The following CPEB3 variants were observed in gnomAD, a reference collection of about 807,000 sequenced individuals.
The protein encoded by CPEB3 is cytoplasmic polyadenylation element binding protein 3.
A neutral mutation model predicts 67.2 loss-of-function variants in CPEB3; 20 were observed. That is an observed-to-expected ratio of 0.30 (90% confidence interval 0.21 to 0.43). The LOEUF is 0.43. Ranked by LOEUF, CPEB3 falls within the 20% of genes least tolerant of loss-of-function variation. CPEB3 has a pLI of 1.00. For missense variants in CPEB3, 746 were observed against 968.6 expected (o/e 0.77, Z 3.05); for synonymous variants, 376 against 393.1 (o/e 0.96, Z 0.51).
At chr10:92,264,894 T>C (rs374308234) in intron 1 of CPEB3, among the ~76,000 whole-genome samples, 1 of 151,904 alleles carries the variant, frequency 6.6e-6, no homozygotes, top group Non-Finnish European at 1.5e-5. Context: ...AGGTCGGGCA[T>C]GTGGCTCAAT....
At chr10:92,186,843 A>C (rs1053625000) in intron 3 of CPEB3, among the ~76,000 whole-genome samples, 2 of 152,236 alleles carry the variant, frequency 1.3e-5, no homozygotes, top group Admixed American at 6.5e-5. Flanking sequence ...TCTGCCCCCA[A>C]GAATGTACAA....
At chr10:92,114,265 G>C (rs1023243244) in intron 6 of CPEB3, among the ~76,000 whole-genome samples, 1 of 152,126 alleles carries the variant, frequency 6.6e-6, no homozygotes, top group Non-Finnish European at 1.5e-5. Flanking sequence ...ATACTTCAAG[G>C]TCAAGCAAAC....
At chr10:92,098,156 T>A (rs1366405889) in intron 7 of CPEB3, among the ~76,000 whole-genome samples, 1 of 68,144 alleles carries the variant, frequency 1.5e-5, no homozygotes, top group East Asian at 5.0e-4. Flanking sequence ...AGTGACACTC[T>A]GCCTAAAAAA....
chr10:92,202,654 G>T (rs1019097116), intron 2 of CPEB3, among the ~76,000 whole-genome samples: 2 of 151,404 alleles, frequency 1.3e-5, no homozygotes, highest in African/African-American at 4.9e-5. Context: ...TTATATGTAA[G>T]GTCCAGAACA....
chr10:92,221,152 G>A (rs12251521), intron 2 of CPEB3, among the ~76,000 whole-genome samples: 1,982 of 152,300 alleles, frequency 0.013, 47 homozygotes, highest in African/African-American at 0.046. Flanking sequence ...TAATATTTCT[G>A]AGTTATAACT....
At chr10:92,093,560 T>G (rs12357187) in intron 7 of CPEB3, among the ~76,000 whole-genome samples, 39,377 of 151,722 alleles carry the variant, frequency 0.26, 6,184 homozygotes, top group Admixed American at 0.36. Context: ...TGGAGTGAAG[T>G]GGCACAATCT....
rs752818301 is a variant in CPEB3 at position 92,239,427 on chromosome 10, G to C, written c.924C>G (p.Arg308=). The change falls in exon 2 of 10, where the codon CGC becomes CGG. Residue 308 remains arginine (R), a synonymous_variant. Transcript: ENST00000265997. The surrounding 1 kb of genome is among the most constrained non-coding windows in gnomAD (Gnocchi z 6.0). ...SNVIAPPKFP[R]AAPLTSKSWM... ...AGGACTTGGAAGTGAGAGGGGCCGC[G>C]CGAGGGAACTTGGGCGGCGCGATCA... The C allele has an allele frequency of 6.2e-7, 1 of 1,602,914 alleles. No individual in the cohort carries two copies.
At chr10:92,199,922 AG>A (rs1849437749) in intron 2 of CPEB3, among the ~76,000 whole-genome samples, 1 of 151,874 alleles carries the variant, frequency 6.6e-6, no homozygotes, top group Admixed American at 6.6e-5. Context: ...AGAGAGAGAG[AG>A]AATTATTTTA....
chr10:92,152,141 T>C (rs1846995396), intron 4 of CPEB3, among the ~76,000 whole-genome samples: 2 of 152,198 alleles, frequency 1.3e-5, no homozygotes. Context: ...GACATACTCC[T>C]CCATCACCTA....
At chr10:92,291,164 C>T (rs1184896827), upstream of CPEB3, 4 of 452,964 alleles carry the variant, frequency 8.8e-6, no homozygotes, top group East Asian at 4.6e-5. Flanking sequence ...GGCGGCGACT[C>T]TTACCTCACA....
chr10:92,085,640 G>A (rs536164332), intron 8 of CPEB3, among the ~76,000 whole-genome samples: 60 of 151,790 alleles, frequency 4.0e-4, no homozygotes, highest in South Asian at 8.3e-4. Flanking sequence ...ATGGAATCTC[G>A]CTCTATCGCT....
intron 8 of CPEB3, among the ~76,000 whole-genome samples, chr10:92,085,930 G>T (rs1843351834): frequency 6.6e-6 from 1 of 151,988 alleles, no homozygotes; most frequent in South Asian, 2.1e-4. Flanking sequence ...TCTTTACAAA[G>T]ATGTGAAAGG....
chr10:92,095,584 A>T (rs912265352), intron 7 of CPEB3, among the ~76,000 whole-genome samples: 5 of 84,936 alleles, frequency 5.9e-5, no homozygotes, highest in Admixed American at 1.3e-4. Flanking sequence ...GTCCTGATTT[A>T]TATATATATA....
intron 2 of CPEB3, among the ~76,000 whole-genome samples, chr10:92,230,236 C>G (rs1851205458): frequency 6.6e-6 from 1 of 152,130 alleles, no homozygotes; most frequent in African/African-American, 2.4e-5. Context: ...ATTAGTTGCA[C>G]TGAGTTACTG....
intron 1 of CPEB3, among the ~76,000 whole-genome samples, chr10:92,285,696 A>G (rs1474717016): frequency 6.6e-6 from 1 of 152,130 alleles, no homozygotes; most frequent in African/African-American, 2.4e-5. Flanking sequence ...CTTTCTTTAC[A>G]TCCTTTCATT....
At chr10:92,252,044 A>C (rs11816371) in intron 1 of CPEB3, among the ~76,000 whole-genome samples, 2,702 of 152,118 alleles carry the variant, frequency 0.018, 77 homozygotes, top group African/African-American at 0.059. Context: ...CTCTCTCTCT[A>C]TATATATTTT....
intron 7 of CPEB3, among the ~76,000 whole-genome samples, chr10:92,095,379 A>G (rs1843809661): frequency 6.6e-6 from 1 of 152,034 alleles, no homozygotes. Flanking sequence ...TCAACATAGA[A>G]CAATATCAAC....
intron 6 of CPEB3, among the ~76,000 whole-genome samples, chr10:92,130,599 A>G (rs1845800527): frequency 6.6e-6 from 1 of 151,364 alleles, no homozygotes; most frequent in Non-Finnish European, 1.5e-5. Flanking sequence ...TAGCTCAAAA[A>G]CATGCAACGA....
intron 9 of CPEB3, among the ~76,000 whole-genome samples, chr10:92,077,722 G>A (rs1053745796): frequency 4.0e-5 from 6 of 150,942 alleles, no homozygotes; most frequent in African/African-American, 1.5e-4. Flanking sequence ...GTGACAGGGT[G>A]AGACCCTGTC....
Sources: gnomAD v4.1 joint callset for allele counts (sites outside exome capture counted in the v4.1 genomes callset) on GRCh38, gnomAD v4.1.1 for gene constraint, Gnocchi (gnomAD v3.1) non-coding constraint, MANE v1.5 for transcripts, NCBI Gene and HGNC (gene_info 2026-07-23, HGNC 2026-07-21) for gene names.